Variants in NCBP1 observed in about 807,000 individuals in gnomAD.
NCBP1 encodes the protein nuclear cap binding protein subunit 1.
NCBP1 carries 16 observed loss-of-function variants against 111.7 expected under a neutral mutation model. The ratio of observed to expected loss-of-function variants is 0.14; its 90% CI spans 0.10 to 0.22. NCBP1 has a LOEUF of 0.22. Ranked by LOEUF, NCBP1 falls within the 10% of genes least tolerant of loss-of-function variation. The pLI is 1.00. For missense variants in NCBP1, 607 were observed against 957.5 expected (o/e 0.63, Z 4.83); for synonymous variants, 304 against 314.3 (o/e 0.97, Z 0.35).
At chr9:97,659,963 T>A (rs1827785064) in intron 15 of NCBP1, among the ~76,000 whole-genome samples, 4 of 152,214 alleles carry the variant, frequency 2.6e-5, no homozygotes, top group Admixed American at 2.6e-4. Flanking sequence ...TACCCCAGTC[T>A]GGAAAGCCCT....
intron 15 of NCBP1, among the ~76,000 whole-genome samples, chr9:97,659,005 T>C (rs981665877): frequency 2.6e-5 from 4 of 152,260 alleles, no homozygotes; most frequent in African/African-American, 9.6e-5. Context: ...AATTTATAGT[T>C]AGAACTTACT....
chr9:97,644,947 T>C (rs563603642), intron 4 of NCBP1, among the ~76,000 whole-genome samples, 170 bp from the exon 5 acceptor site: 38 of 152,292 alleles, frequency 2.5e-4, no homozygotes, highest in African/African-American at 9.1e-4. Flanking sequence ...CATTTAAAAA[T>C]GTAAAAACCA....
intron 19 of NCBP1, among the ~76,000 whole-genome samples, chr9:97,665,894 C>T (rs1490178502): frequency 6.6e-6 from 1 of 152,102 alleles, no homozygotes; most frequent in Admixed American, 6.5e-5. Context: ...TGTGTTATAT[C>T]CTGTATTCTT....
At chr9:97,668,276 C>T (rs1828069136) in intron 20 of NCBP1, among the ~76,000 whole-genome samples, 1 of 152,074 alleles carries the variant, frequency 6.6e-6, no homozygotes, top group Non-Finnish European at 1.5e-5. Context: ...CCTTGTTTTT[C>T]TTTTCCTTTA....
At chr9:97,671,030 C>A in intron 22 of NCBP1, 56 bp from the exon 23 acceptor site, 1 of 1,181,716 alleles carries the variant, frequency 8.5e-7, no homozygotes, top group Non-Finnish European at 1.2e-6. Context: ...AAATGTTCCA[C>A]AAGATTGCTT....
At chr9:97,635,414 C>CTTTTTTT (rs5899316) in intron 1 of NCBP1, among the ~76,000 whole-genome samples, 5,526 of 141,848 alleles carry the variant, frequency 0.039, 527 homozygotes, top group African/African-American at 0.14. Flanking sequence ...AATTCCCTCC[C>CTTTTTTT]TTTTTTTTTT....
chr9:97,663,657 G>C (rs897419744), intron 18 of NCBP1, among the ~76,000 whole-genome samples: 3 of 151,534 alleles, frequency 2.0e-5, no homozygotes, highest in Non-Finnish European at 1.5e-5. Context: ...GCTGATTTTT[G>C]TATTTTTAGT....
intron 3 of NCBP1, 40 bp from the exon 4 acceptor site, chr9:97,643,164 T>C (rs1489371373): frequency 2.6e-6 from 4 of 1,532,376 alleles, no homozygotes; most frequent in African/African-American, 2.9e-5. Context: ...TTAACGCCAT[T>C]GTTTTGGGGT....
At chr9:97,657,921 TATATA>T (rs1294196405) in intron 14 of NCBP1, among the ~76,000 whole-genome samples, 1 of 105,974 alleles carries the variant, frequency 9.4e-6, no homozygotes, top group Non-Finnish European at 1.8e-5. Flanking sequence ...TATATATATA[TATATA>T]TTTTTTTTTT....
chr9:97,655,762 T>C lies in NCBP1; in HGVS notation c.1296T>C (p.Asp432=), dbSNP rs550760772. The C allele has an allele frequency of 2.0e-4, 316 of 1,611,208 alleles. 5 individuals are homozygous for C. The South Asian group carries it at 3.3e-3, about 17-fold the overall frequency. Residue 432 remains aspartate, a splice_region_variant and synonymous_variant, in exon 13 of 23, where the codon GAT becomes GAC. Transcript: ENST00000375147. ...TCCAGTTCCGTTGGAGCTGGGAAGATTGGTAAGTGATGGTTTGTTTTATCT... is the reference window on the plus strand; with the variant it reads ...TCCAGTTCCGTTGGAGCTGGGAAGACTGGTAAGTGATGGTTTGTTTTATCT... ...SNFQFRWSWE[D]WSDCLSQDPE...
chr9:97,653,701 C>G (rs967919326), intron 10 of NCBP1, 97 bp from the exon 11 acceptor site: 1 of 786,178 alleles, frequency 1.3e-6, no homozygotes, highest in African/African-American at 1.8e-5. Context: ...ATATGAATGC[C>G]ATGGAGTTAG....
chr9:97,670,480 A>G (rs1828156284), intron 22 of NCBP1, among the ~76,000 whole-genome samples: 1 of 152,052 alleles, frequency 6.6e-6, no homozygotes, highest in South Asian at 2.1e-4. Context: ...TTCGGACACT[A>G]CTCCCCTAAA....
At chr9:97,634,245 C>T (rs777726247) in intron 1 of NCBP1, among the ~76,000 whole-genome samples, 3 of 152,244 alleles carry the variant, frequency 2.0e-5, no homozygotes, top group Non-Finnish European at 4.4e-5. Context: ...GTGCTGCCGC[C>T]TCTTAGGGAC....
intron 16 of NCBP1, 43 bp downstream of exon 16, chr9:97,661,111 C>T (rs1490687403): frequency 1.2e-6 from 2 of 1,602,514 alleles, no homozygotes; most frequent in Admixed American, 3.4e-5. Flanking sequence ...TATGTATAGG[C>T]CAACTTAAAG....
At chr9:97,661,166 CTA>C in intron 16 of NCBP1, 98 bp downstream of exon 16, 1 of 1,477,356 alleles carries the variant, frequency 6.8e-7, no homozygotes, top group Non-Finnish European at 9.2e-7. Flanking sequence ...AGCAATATAT[CTA>C]TATCTGTTTG....
Position 97,651,292 on chromosome 9 carries a change from A to G in NCBP1, c.996-18A>G. ...GTGTCTTCGTATACTTATTAAACTT[A>G]AATTACACTTTTTATAGTGCTGCAC... On this transcript the variant is annotated intron_variant, in intron 9 of 22. Coordinates refer to ENST00000375147, the MANE Select transcript of NCBP1 (RefSeq NM_002486.5). 6.3e-7 allele frequency: 1 copy of G among 1,591,680 alleles called. No homozygotes were observed. Among genetic ancestry groups the G allele is most frequent in the South Asian group, 1.2e-5 (1 of 86,460 alleles).
Position 97,664,407 on chromosome 9 carries a change from G to C in NCBP1, c.1865G>C (p.Trp622Ser). 1 of 1,612,280 alleles carries C rather than the reference G, an allele frequency of 6.2e-7. No homozygotes were observed. ...QIVDCAAVAN[W>S]IFSSELSRDF... ...GTTGATTGTGCTGCCGTAGCAAATT[G>C]GATCTTCTCTTCAGAACTATCTCGT... Residue 622 changes from tryptophan to serine, a missense_variant, in exon 19 of 23, where the codon TGG becomes TCG. Transcript: ENST00000375147.
chr9:97,669,546 A>AT, intron 21 of NCBP1, 47 bp from the exon 22 acceptor site: 1 of 1,362,060 alleles, frequency 7.3e-7, no homozygotes, highest in Non-Finnish European at 1.0e-6. Flanking sequence ...TTTCCAAAGT[A>AT]TAAGATTCTG....
intron 18 of NCBP1, among the ~76,000 whole-genome samples, 178 bp from the exon 19 acceptor site, chr9:97,664,160 CAG>C (rs1359188619): frequency 6.6e-6 from 1 of 152,056 alleles, no homozygotes; most frequent in Non-Finnish European, 1.5e-5. Context: ...GCCTAGGTGA[CAG>C]AGCAACTCTG....
Sources: gnomAD v4.1 joint callset for allele counts (sites outside exome capture counted in the v4.1 genomes callset) on GRCh38, gnomAD v4.1.1 for gene constraint, MANE v1.5 for transcripts, NCBI Gene and HGNC (gene_info 2026-07-23, HGNC 2026-07-21) for gene names.